OPCML: variants seen among roughly 807,000 people sequenced by gnomAD.
The protein encoded by OPCML is opioid-binding protein/cell adhesion molecule.
In OPCML, 13 loss-of-function variants were observed where a neutral mutation model predicts 37.8. The observed-to-expected ratio is 0.34, with a 90% CI of 0.22 to 0.55. The LOEUF (loss-of-function observed/expected upper bound fraction) is 0.55. OPCML is among the 20% of genes least tolerant of loss of function. The probability of loss-of-function intolerance (pLI) is 0.91; values close to 1 mark genes in which losing one functional copy is unlikely to be tolerated. For missense variants in OPCML, 341 were observed against 435.6 expected (o/e 0.78, Z 1.93); for synonymous variants, 176 against 168.8 (o/e 1.04, Z -0.33).
chr11:132,842,416 G>GGC (rs1941336406), intron 2 of OPCML, among the ~76,000 whole-genome samples: 1 of 152,192 alleles, frequency 6.6e-6, no homozygotes, highest in Admixed American at 6.5e-5. Context: ...CCTCTTCCCA[G>GGC]CAATATTCGC....
chr11:132,481,534 C>T (rs1234786115), intron 4 of OPCML, among the ~76,000 whole-genome samples: 4 of 150,192 alleles, frequency 2.7e-5, no homozygotes, highest in East Asian at 3.9e-4. Flanking sequence ...AACAAGGATA[C>T]CCAGGAATTG....
At chr11:133,123,457 C>T (rs762134980) in intron 1 of OPCML, among the ~76,000 whole-genome samples, 4 of 152,158 alleles carry the variant, frequency 2.6e-5, no homozygotes, top group African/African-American at 9.7e-5. Context: ...CCCATAAACA[C>T]ATTTTACAAA....
At chr11:133,481,907 G>A (rs929158589) in intron 1 of OPCML, among the ~76,000 whole-genome samples, 4 of 152,184 alleles carry the variant, frequency 2.6e-5, no homozygotes, top group South Asian at 2.1e-4. Flanking sequence ...CGACCTAAAG[G>A]TCTGATTTCT....
At chr11:133,261,166 TA>T (rs1941483088) in intron 1 of OPCML, among the ~76,000 whole-genome samples, 1 of 152,238 alleles carries the variant, frequency 6.6e-6, no homozygotes, top group Non-Finnish European at 1.5e-5. Flanking sequence ...GAACCATTGC[TA>T]ACTGCACAGA....
chr11:133,047,045 T>C (rs1056196758), intron 1 of OPCML, among the ~76,000 whole-genome samples: 8 of 152,158 alleles, frequency 5.3e-5, no homozygotes, highest in Admixed American at 2.6e-4. Context: ...CAAACAGAGC[T>C]GTGGGTCAGA....
chr11:132,554,883 T>TTTTTTTTTTTTTTTTTTTTTTTTTTTTG (rs1255603307), intron 3 of OPCML, among the ~76,000 whole-genome samples: 1 of 125,660 alleles, frequency 8.0e-6, no homozygotes, highest in Admixed American at 9.8e-5. Context: ...TTTTTTTTTT[T>TTTTTTTTTTTTTTTTTTTTTTTTTTTTG]TTTTTTTTCA....
At chr11:132,562,698 C>T (rs1386877695) in intron 3 of OPCML, among the ~76,000 whole-genome samples, 4 of 151,962 alleles carry the variant, frequency 2.6e-5, no homozygotes, top group Non-Finnish European at 4.4e-5. Context: ...ACAGCAGGAA[C>T]TTTTGATGTG....
chr11:132,900,279 A>G lies in OPCML; in HGVS notation c.146+42647T>C, dbSNP rs145176667. On this transcript the variant is annotated intron_variant, in intron 2 of 7. Coordinates refer to ENST00000524381, the MANE Select transcript of OPCML (RefSeq NM_001012393.5). Reference sequence around the variant, plus strand: ...GCCATTCAATTAGGCCAGTCAAAAAATGGGGTGTCATCCTTGATATCACTC... The same window carrying G: ...GCCATTCAATTAGGCCAGTCAAAAAGTGGGGTGTCATCCTTGATATCACTC... Among the ~76,000 whole-genome samples, 21 of 152,242 alleles carry G rather than the reference A, an allele frequency of 1.4e-4. No homozygotes were observed. In the East Asian group the frequency reaches 3.9e-3, roughly 28 times the overall value.
chr11:132,701,814 CT>C (rs1287768027), intron 2 of OPCML, among the ~76,000 whole-genome samples: 26 of 106,598 alleles, frequency 2.4e-4, no homozygotes, highest in Middle Eastern at 4.4e-3. Flanking sequence ...TGGGCGTGTG[CT>C]TTCCTTTTTT....
chr11:132,482,242 C>T (rs953535178), intron 4 of OPCML, among the ~76,000 whole-genome samples: 1 of 152,044 alleles, frequency 6.6e-6, no homozygotes, highest in East Asian at 1.9e-4. Flanking sequence ...GGGGATATCA[C>T]CACCTATCCC....
chr11:133,025,414 T>C (rs1305854176), intron 1 of OPCML: 15 of 985,206 alleles, frequency 1.5e-5, no homozygotes, highest in Non-Finnish European at 1.8e-5. Flanking sequence ...CCAAAATGTG[T>C]GTCTCAGGTG....
rs182975811 is a variant in OPCML, at chr11:133,312,948, G to A, written c.61+219316C>T. On this transcript the variant is annotated intron_variant, in intron 1 of 7. Coordinates refer to ENST00000524381, the MANE Select transcript of OPCML (RefSeq NM_001012393.5). ...TTTCATAATGTCCTATTCACCATAAGTGTCCCAAAGACAAGTTTGATGGTA... is the reference window on the plus strand; with the variant it reads ...TTTCATAATGTCCTATTCACCATAAATGTCCCAAAGACAAGTTTGATGGTA... Among the ~76,000 whole-genome samples the A allele has an allele frequency of 1.5e-3, 228 of 152,256 alleles. 5 individuals are homozygous for A. The highest frequency in any genetic ancestry group is 0.01 in the Middle Eastern group (3 of 294).
intron 1 of OPCML, among the ~76,000 whole-genome samples, chr11:132,958,660 T>G (rs987068258): frequency 5.3e-5 from 8 of 152,246 alleles, no homozygotes; most frequent in African/African-American, 1.9e-4. Flanking sequence ...AATACTCATT[T>G]ATCATTCTGA....
chr11:132,497,298 G>A (rs2096234381), intron 4 of OPCML, among the ~76,000 whole-genome samples: 1 of 151,702 alleles, frequency 6.6e-6, no homozygotes, highest in African/African-American at 2.4e-5. Context: ...ATGGATGCTG[G>A]GCTTAATACT....
chr11:132,619,661 AC>A lies in OPCML; in HGVS notation c.379+37425del, dbSNP rs557839424. Reference sequence around the variant, plus strand: ...AGACCATCCTGGCTAACATGGTGAAACCCCGTCTCTACTGAAAATACCAAAA... The same window carrying A: ...AGACCATCCTGGCTAACATGGTGAAACCCGTCTCTACTGAAAATACCAAAA... On this transcript the variant is annotated intron_variant, in intron 3 of 7. Transcript: ENST00000524381. Among the ~76,000 whole-genome samples the A allele has an allele frequency of 4.9e-3, 698 of 141,292 alleles. 7 individuals are homozygous for A. The highest frequency in any genetic ancestry group is 0.017 in the African/African-American group (639 of 37,900). The allele number at this position is 141,292 out of a possible 152,430, so 92.7% of individuals were successfully genotyped here.
chr11:133,254,484 C>T (rs191863987), intron 1 of OPCML, among the ~76,000 whole-genome samples: 4 of 152,242 alleles, frequency 2.6e-5, no homozygotes, highest in Admixed American at 1.3e-4. Context: ...TTCTTCAACC[C>T]GGGAAGGCAA....
intron 2 of OPCML, among the ~76,000 whole-genome samples, chr11:132,738,335 C>T (rs1945325293): frequency 6.6e-6 from 1 of 152,182 alleles, no homozygotes; most frequent in Non-Finnish European, 1.5e-5. Flanking sequence ...GAAAGTTTTA[C>T]AAGCTTATCT....
At position 133,174,117 on chromosome 11, in the gene OPCML, G is replaced by C. The variant is rs142436927; in HGVS notation, c.62-231107C>G. On this transcript the variant is annotated intron_variant, in intron 1 of 7. Coordinates refer to ENST00000524381, the MANE Select transcript of OPCML (RefSeq NM_001012393.5). The surrounding 1 kb of genome is among the most constrained non-coding windows in gnomAD (Gnocchi z 4.6). The stretch of plus-strand genomic sequence containing the variant: ...TGATTAATTTATGTCAGCGTTTTCT[G>C]TGTTGTCAGGCTGGTCCCTTGTGTC... 6.6e-6 allele frequency among the ~76,000 whole-genome samples: 1 copy of C among 152,338 alleles called. No homozygotes were observed. The highest frequency in any genetic ancestry group is 2.4e-5 in the African/African-American group (1 of 41,588).
At chr11:133,139,467 A>T (rs1393653796) in intron 1 of OPCML, among the ~76,000 whole-genome samples, 1 of 152,206 alleles carries the variant, frequency 6.6e-6, no homozygotes, top group Non-Finnish European at 1.5e-5. Context: ...GTGAAACTGG[A>T]ATTTGAATCC....
Sources: allele counts gnomAD v4.1 joint callset (sites outside exome capture counted in the v4.1 genomes callset), GRCh38; gene constraint gnomAD v4.1.1; non-coding constraint Gnocchi (gnomAD v3.1); transcripts MANE v1.5; gene names NCBI Gene and HGNC (gene_info 2026-07-23, HGNC 2026-07-21).